The following KIRREL3 variants were observed in gnomAD, a reference collection of about 807,000 sequenced individuals.
KIRREL3 encodes the protein kirre like nephrin family adhesion molecule 3.
Under a neutral mutation model 89.7 loss-of-function variants are expected in KIRREL3, and 36 were observed. That is an observed-to-expected ratio of 0.40 (90% CI 0.31 to 0.53). The LOEUF (loss-of-function observed/expected upper bound fraction) is 0.53. Among genes scored for constraint, KIRREL3 ranks in the 20% least tolerant of loss-of-function variants. KIRREL3 has a pLI of 0.49. For synonymous variants in KIRREL3, 445 were observed against 441.4 expected, an observed-to-expected ratio of 1.01 and a Z score of -0.10; for missense variants, 864 against 1,056.6, an observed-to-expected ratio of 0.82 and a Z score of 2.53.
chr11:126,864,968 C>T (rs933625251), intron 1 of KIRREL3, among the ~76,000 whole-genome samples: 1 of 152,086 alleles, frequency 6.6e-6, no homozygotes, highest in Admixed American at 6.5e-5. Context: ...ATTCCATGGC[C>T]GGATCAAAGA....
At chr11:126,786,613 C>T (rs563216729) in intron 1 of KIRREL3, among the ~76,000 whole-genome samples, 25 of 152,272 alleles carry the variant, frequency 1.6e-4, no homozygotes, top group Admixed American at 1.0e-3. Context: ...TCCAGGATCA[C>T]GTCTGGGAAA....
At chr11:126,693,465 C>G (rs932176430) in intron 1 of KIRREL3, among the ~76,000 whole-genome samples, 1 of 152,096 alleles carries the variant, frequency 6.6e-6, no homozygotes, top group African/African-American at 2.4e-5. Context: ...AAAAAACTGG[C>G]TATCAGGAGA....
Position 126,490,609 on chromosome 11 carries a change from G to T in KIRREL3, c.434-17143C>A, listed in dbSNP as rs891782570. Among the ~76,000 whole-genome samples, 5 of 152,184 alleles carry T rather than the reference G, an allele frequency of 3.3e-5. No homozygotes were observed. Among genetic ancestry groups the T allele is most frequent in the African/African-American group, 4.8e-5 (2 of 41,434 alleles). On this transcript the variant is annotated intron_variant, in intron 4 of 16. Transcript: ENST00000525144. The surrounding 1 kb of genome is among the most constrained non-coding windows in gnomAD (Gnocchi z 4.2). The stretch of plus-strand genomic sequence containing the variant: ...TGCATGGCCTTGGATACGTTAATTA[G>T]TTATTTGAGCCTGTGTCTTCGTCAT...
intron 1 of KIRREL3, among the ~76,000 whole-genome samples, chr11:126,712,359 G>C (rs1272497232): frequency 1.3e-5 from 2 of 152,126 alleles, no homozygotes; most frequent in African/African-American, 4.8e-5. Context: ...GCCTCTCTGA[G>C]TGAGGCAGGG....
At position 127,000,101 on chromosome 11, in the gene KIRREL3, G is replaced by A. The variant is rs572994374; in HGVS notation, c.55+354C>T. On this transcript the variant is annotated intron_variant, in intron 1 of 16. Transcript: ENST00000525144. This position sits in a 1 kb window ranked among gnomAD's most constrained non-coding sequence, Gnocchi z 7.1. ...CCTTCCCTGGCCTGGGTCTGAAGGA[G>A]AGGAGGTGCCCAGAAGTTCAGAGCG... 6.6e-6 allele frequency among the ~76,000 whole-genome samples: 1 copy of A among 152,234 alleles called. No individual in the cohort carries two copies. The highest frequency in any genetic ancestry group is 1.9e-4 in the East Asian group (1 of 5,168).
rs986008046 is a variant in KIRREL3 at position 126,704,478 on chromosome 11, T to G, written c.56-141566A>C. Among the ~76,000 whole-genome samples, 1 of 152,252 alleles carries G rather than the reference T, an allele frequency of 6.6e-6. No individual in the cohort carries two copies. The highest frequency in any genetic ancestry group is 1.5e-5 in the Non-Finnish European group (1 of 68,044). ...TCACAGTCTTGTCACTTAGAAGGTCTGTCTGAGAGACCTTGGTGGAGTGCA... is the reference window on the plus strand; with the variant it reads ...TCACAGTCTTGTCACTTAGAAGGTCGGTCTGAGAGACCTTGGTGGAGTGCA... On this transcript the variant is annotated intron_variant, in intron 1 of 16. Coordinates refer to ENST00000525144, the MANE Select transcript of KIRREL3 (RefSeq NM_032531.4). This position sits in a 1 kb window ranked among gnomAD's most constrained non-coding sequence, Gnocchi z 4.2.
intron 1 of KIRREL3, among the ~76,000 whole-genome samples, chr11:126,986,024 C>T (rs537764339): frequency 1.3e-5 from 2 of 152,252 alleles, no homozygotes; most frequent in East Asian, 3.9e-4. Flanking sequence ...CTGGCCTGTA[C>T]AATCCACCAC....
In KIRREL3 at chr11:126,623,987, C is replaced by G. The variant is rs759970675; in HGVS notation, c.56-61075G>C. Among the ~76,000 whole-genome samples, 2 of 152,162 alleles carry G rather than the reference C, an allele frequency of 1.3e-5. No individual in the cohort carries two copies. Among genetic ancestry groups the G allele is most frequent in the Non-Finnish European group, 2.9e-5 (2 of 68,034 alleles). On this transcript the variant is annotated intron_variant, in intron 1 of 16. Transcript: ENST00000525144. The surrounding 1 kb of genome is among the most constrained non-coding windows in gnomAD (Gnocchi z 4.1). ...CCTTGAACTGGTCAGAAAGATCCAA[C>G]AGCTCAGACAAGGAGAAGGGAAGAG...
chr11:126,456,149 G>A (rs73031019), intron 7 of KIRREL3, among the ~76,000 whole-genome samples, 200 bp downstream of exon 7: 2,707 of 149,438 alleles, frequency 0.018, 27 homozygotes, highest in Non-Finnish European at 0.029. Context: ...AAGAGGGCGC[G>A]TGCACGCACA....
At chr11:126,505,752 G>T (rs1957997206) in intron 4 of KIRREL3, among the ~76,000 whole-genome samples, 1 of 152,046 alleles carries the variant, frequency 6.6e-6, no homozygotes, top group African/African-American at 2.4e-5. Flanking sequence ...TTTATCAAAG[G>T]AAGTACAAGA....
chr11:126,870,912 A>C lies in KIRREL3; in HGVS notation c.55+129543T>G, dbSNP rs1392532880. Among the ~76,000 whole-genome samples, 3 of 152,096 alleles carry C rather than the reference A, an allele frequency of 2.0e-5. No homozygotes were observed. The highest frequency in any genetic ancestry group is 7.2e-5 in the African/African-American group (3 of 41,420). On this transcript the variant is annotated intron_variant, in intron 1 of 16. Transcript: ENST00000525144. This position sits in a 1 kb window ranked among gnomAD's most constrained non-coding sequence, Gnocchi z 4.4. ...CACAGAAATTTTCTGCCTACCTTAC[A>C]GAAAGACTGGACCAAAACTGTTCTA...
chr11:126,680,759 C>A (rs566111443), intron 1 of KIRREL3, among the ~76,000 whole-genome samples: 3 of 151,540 alleles, frequency 2.0e-5, no homozygotes, highest in South Asian at 2.1e-4. Flanking sequence ...AGATATCAAC[C>A]ATAAGAAGCC....
In KIRREL3 at chr11:126,537,329, A is replaced by G. The variant is rs1218072520; in HGVS notation, c.134-10642T>C. Among the ~76,000 whole-genome samples the G allele has an allele frequency of 3.3e-5, 5 of 152,178 alleles. No individual in the cohort carries two copies. The highest frequency in any genetic ancestry group is 1.2e-4 in the African/African-American group (5 of 41,438). ...GGATGGTCACATTTGACCACAGGTT[A>G]CTGGATTACAAGGGATAAAGTGGTC... On this transcript the variant is annotated intron_variant, in intron 2 of 16. Coordinates refer to ENST00000525144, the MANE Select transcript of KIRREL3 (RefSeq NM_032531.4). This position sits in a 1 kb window ranked among gnomAD's most constrained non-coding sequence, Gnocchi z 4.3.
At position 126,687,078 on chromosome 11, in the gene KIRREL3, C is replaced by G. The variant is rs1020118984; in HGVS notation, c.56-124166G>C. Among the ~76,000 whole-genome samples, 5 of 152,090 alleles carry G rather than the reference C, an allele frequency of 3.3e-5. No homozygotes were observed. The highest frequency in any genetic ancestry group is 6.5e-5 in the Admixed American group (1 of 15,270). ...TTGCAAGTGTGGTTGGGGCCAAGAC[C>G]ACAACACGTGTTCAAGGTATGTCTA... is the stretch of plus-strand genomic sequence containing the variant. On this transcript the variant is annotated intron_variant, in intron 1 of 16. Transcript: ENST00000525144. This position sits in a 1 kb window ranked among gnomAD's most constrained non-coding sequence, Gnocchi z 4.6.
intron 1 of KIRREL3, among the ~76,000 whole-genome samples, chr11:126,588,895 G>A (rs1941999940): frequency 6.6e-6 from 1 of 152,112 alleles, no homozygotes; most frequent in Admixed American, 6.5e-5. Context: ...TGGCGGTGGT[G>A]GGGGGACCAG....
rs1413684151 is a variant in KIRREL3, at chr11:126,526,549, C to T, written c.272G>A (p.Arg91Lys). The part of the protein sequence containing the change: ...IKDGLALGVG[R>K]DLSSYPQYLV... ...CTGGAGGTACTCACTTGAGAGGTCC[C>T]TGCCCACACCCAGAGCCAAGCCGTC... is the stretch of plus-strand genomic sequence containing the variant. The change falls in exon 3 of 17, where the codon AGG becomes AAG. Residue 91 changes from arginine to lysine, a missense_variant. Arg to Lys is a conservative substitution (Grantham distance 26, BLOSUM62 2). Transcript: ENST00000525144. The surrounding 1 kb of genome is among the most constrained non-coding windows in gnomAD (Gnocchi z 5.7). 5 of 1,613,058 alleles carry T rather than the reference C, an allele frequency of 3.1e-6. No homozygotes were observed. Among genetic ancestry groups the T allele is most frequent in the East Asian group, 2.2e-5 (1 of 44,870 alleles).
rs1944908633 is a variant in KIRREL3, at chr11:126,651,568, C to T, written c.56-88656G>A. Among the ~76,000 whole-genome samples, 1 of 152,168 alleles carries T rather than the reference C, an allele frequency of 6.6e-6. No individual in the cohort carries two copies. The highest frequency in any genetic ancestry group is 2.1e-4 in the South Asian group (1 of 4,832). Reference sequence around the variant, plus strand: ...GGTAGCACTTTCAAATAAGTGGCAGCAGTTCATGCATAATTACTTCTGAAT... The same window carrying T: ...GGTAGCACTTTCAAATAAGTGGCAGTAGTTCATGCATAATTACTTCTGAAT... On this transcript the variant is annotated intron_variant, in intron 1 of 16. Transcript: ENST00000525144. The surrounding 1 kb of genome is among the most constrained non-coding windows in gnomAD (Gnocchi z 4.6).
At chr11:126,974,727 A>G (rs1475391491) in intron 1 of KIRREL3, among the ~76,000 whole-genome samples, 3 of 152,092 alleles carry the variant, frequency 2.0e-5, no homozygotes, top group African/African-American at 7.2e-5. Context: ...GCTCCAGTCT[A>G]CAAGGTTTGG....
At chr11:126,671,624 C>A (rs1350438402) in intron 1 of KIRREL3, among the ~76,000 whole-genome samples, 1 of 152,124 alleles carries the variant, frequency 6.6e-6, no homozygotes, top group African/African-American at 2.4e-5. Context: ...GGCAAGAGAT[C>A]TGAACAGACA....
Sources: allele counts gnomAD v4.1 joint callset (sites outside exome capture counted in the v4.1 genomes callset), GRCh38; gene constraint gnomAD v4.1.1; non-coding constraint Gnocchi (gnomAD v3.1); transcripts MANE v1.5; gene names NCBI Gene and HGNC (gene_info 2026-07-23, HGNC 2026-07-21).